The following LAT variants were observed in gnomAD, a reference collection of about 807,000 sequenced individuals.
The protein encoded by LAT is linker for activation of T-cells family member 1.
A neutral mutation model predicts 39.1 loss-of-function variants in LAT; 12 were observed. That is an observed-to-expected ratio of 0.31 (90% CI 0.20 to 0.50). The LOEUF is 0.50. LAT is among the 20% of genes least tolerant of loss of function. LAT has a pLI of 0.98. For missense variants in LAT, 253 were observed against 308.0 expected (o/e 0.82, Z 1.34); for synonymous variants, 117 against 123.8 (o/e 0.95, Z 0.36).
In LAT at chr16:28,985,234, A is replaced by C; in HGVS notation, c.-184A>C. ...GGACGCACACTCAGCCCAGTAAAAG[A>C]GGGGACCCATCCCGGGAGCCCCGGG... is the stretch of plus-strand genomic sequence containing the variant. On this transcript the variant is annotated 5_prime_UTR_variant, in exon 1 of 12. Transcript: ENST00000395456. This position sits in a 1 kb window ranked among gnomAD's most constrained non-coding sequence, Gnocchi z 4.6. 1 of 1,436,714 alleles carries C rather than the reference A, an allele frequency of 7.0e-7. No individual in the cohort carries two copies. The highest frequency in any genetic ancestry group is 2.6e-4 in the Middle Eastern group (1 of 3,882). The allele number at this position is 1,436,714 out of a possible 1,614,324, so 89.0% of individuals were successfully genotyped here. A position where few individuals can be genotyped will look rare whatever the true frequency, so the allele number is the denominator to read the frequency against.
At chr16:28,984,975 TGGCGGGTGGGGTGGGAAGGG>T, upstream of LAT, 1 of 1,450,348 alleles carries the variant, frequency 6.9e-7, no homozygotes, top group Non-Finnish European at 9.1e-7. Context: ...CCCTCCCCAC[TGGCGGGTGGGGTGGGAAGGG>T]GGCGGGTGCA....
chr16:28,985,702 C>G lies in LAT; in HGVS notation c.101-11C>G, dbSNP rs763846844. 11 of 1,613,732 alleles carry G rather than the reference C, an allele frequency of 6.8e-6. No individual in the cohort carries two copies. In the Admixed American group the frequency reaches 1.7e-4, roughly 24 times the overall value. On this transcript the variant is annotated splice_polypyrimidine_tract_variant and intron_variant, in intron 1 of 11. Transcript: ENST00000395456. This position sits in a 1 kb window ranked among gnomAD's most constrained non-coding sequence, Gnocchi z 4.6. ...CCCCTGTTCCTGCCTCACCAGCCCT[C>G]TCTTTCCCAGGCTCCTACGACAGCA...
upstream of LAT, chr16:28,984,944 G>A: frequency 3.9e-6 from 6 of 1,524,500 alleles, no homozygotes; most frequent in Non-Finnish European, 5.3e-6. Context: ...GCCTGGGGTG[G>A]CTCCCGGGCC....
Position 28,985,085 on chromosome 16 carries a change from G to A in LAT, c.-333G>A. The A allele has an allele frequency of 7.0e-7, 1 of 1,427,526 alleles. No individual in the cohort carries two copies. The highest frequency in any genetic ancestry group is 2.6e-5 in the East Asian group (1 of 38,976). 88.4% of individuals were successfully genotyped at this position (1,427,526 alleles called of 1,614,324 possible). On this transcript the variant is annotated 5_prime_UTR_variant, in exon 1 of 12. Coordinates refer to ENST00000395456, the MANE Select transcript of LAT (RefSeq NM_001014987.2). This position sits in a 1 kb window ranked among gnomAD's most constrained non-coding sequence, Gnocchi z 4.6. ...CTGCCGCAGGCGGGCGGGAGGGCGGGCACGGAGAGGCGGGCGCCGAGGAGG... is the reference window on the plus strand; with the variant it reads ...CTGCCGCAGGCGGGCGGGAGGGCGGACACGGAGAGGCGGGCGCCGAGGAGG...
rs1367196013 is a variant in LAT, at chr16:28,985,907, C to T, written c.163+19C>T. The T allele has an allele frequency of 1.9e-6, 3 of 1,613,408 alleles. No individual in the cohort carries two copies. The highest frequency in any genetic ancestry group is 1.1e-5 in the South Asian group (1 of 91,074). On this transcript the variant is annotated intron_variant, in intron 3 of 11. Transcript: ENST00000395456. This position sits in a 1 kb window ranked among gnomAD's most constrained non-coding sequence, Gnocchi z 4.6. Reference sequence around the variant, plus strand: ...CGGCCTCGTGAGTACAAGGAGGGTCCCCTACCTTGGGTGCCAGGGAGAGGG... The same window carrying T: ...CGGCCTCGTGAGTACAAGGAGGGTCTCCTACCTTGGGTGCCAGGGAGAGGG...
In LAT at chr16:28,985,053, C is replaced by T; in HGVS notation, c.-365C>T. Reference sequence around the variant, plus strand: ...TCCTGCCCTCGCCCGGCGCTCACCACAGCTTCCTGCCGCAGGCGGGCGGGA... The same window carrying T: ...TCCTGCCCTCGCCCGGCGCTCACCATAGCTTCCTGCCGCAGGCGGGCGGGA... On this transcript the variant is annotated 5_prime_UTR_variant, in exon 1 of 12. Transcript: ENST00000395456. This position sits in a 1 kb window ranked among gnomAD's most constrained non-coding sequence, Gnocchi z 4.6. The T allele has an allele frequency of 2.1e-6, 3 of 1,427,162 alleles. No individual in the cohort carries two copies. The highest frequency in any genetic ancestry group is 2.7e-6 in the Non-Finnish European group (3 of 1,094,412). The allele number at this position is 1,427,162 out of a possible 1,614,324, so 88.4% of individuals were successfully genotyped here. A position where few individuals can be genotyped will look rare whatever the true frequency, so the allele number is the denominator to read the frequency against.
In LAT at chr16:28,986,690, A is replaced by T; in HGVS notation, c.374A>T (p.Asp125Val). Residue 125 changes from aspartate (D) to valine (V), a missense_variant, in exon 7 of 12, where the codon GAC becomes GTC. Coordinates refer to ENST00000395456, the MANE Select transcript of LAT (RefSeq NM_001014987.2). The surrounding 1 kb of genome is among the most constrained non-coding windows in gnomAD (Gnocchi z 5.7). ...TGTGAGGATGCGGATGAGGATGAGG[A>T]CGACTATCACAACCCAGGCTACCTG... ...PACEDADEDE[D>V]DYHNPGYLVV... 1.2e-6 allele frequency: 2 copies of T among 1,613,534 alleles called. No individual in the cohort carries two copies. The highest frequency in any genetic ancestry group is 1.7e-6 in the Non-Finnish European group (2 of 1,179,768).
At position 28,986,334 on chromosome 16, in the gene LAT, G is replaced by GCC. The variant is rs755150157; in HGVS notation, c.246-44_246-43dup. The GCC allele has an allele frequency of 6.2e-7, 1 of 1,601,408 alleles. No individual in the cohort carries two copies. The highest frequency in any genetic ancestry group is 8.5e-7 in the Non-Finnish European group (1 of 1,170,548). ...CCCTTTCCCTTTTGCAACTGCTGTT[G>GCC]CCCCCTGAGCCCCACCTCAGGCATG... On this transcript the variant is annotated intron_variant, in intron 4 of 11. Transcript: ENST00000395456. This position sits in a 1 kb window ranked among gnomAD's most constrained non-coding sequence, Gnocchi z 5.7.
intron 8 of LAT, chr16:28,988,558 A>T (rs1418854610): frequency 1.3e-5 from 2 of 152,178 alleles, no homozygotes; most frequent in African/African-American, 4.8e-5. Flanking sequence ...TAAAAATACC[A>T]AAATTAGCAG....
In LAT at chr16:28,986,753, G is replaced by A; in HGVS notation, c.398+39G>A. The A allele has an allele frequency of 6.2e-7, 1 of 1,610,024 alleles. No individual in the cohort carries two copies. Among genetic ancestry groups the A allele is most frequent in the Non-Finnish European group, 8.5e-7 (1 of 1,177,408 alleles). On this transcript the variant is annotated intron_variant, in intron 7 of 11. Transcript: ENST00000395456. The surrounding 1 kb of genome is among the most constrained non-coding windows in gnomAD (Gnocchi z 5.7). ...TGGGAGGTGGGAGGTGAGGGCTGAG[G>A]CTGTGCGTCCCCCCTTGCTCACCGG... is the stretch of plus-strand genomic sequence containing the variant.
At position 28,989,822 on chromosome 16, in the gene LAT, C is replaced by A. The variant is rs149558811; in HGVS notation, c.605C>A (p.Ala202Glu). ...VNVSQELHPGAAKTEPAALSS... is the reference protein window; with the variant it reads ...VNVSQELHPGEAKTEPAALSS... ...GTGTCCCAGGAACTGCATCCTGGAG[C>A]GGCTAAGACTGAGCCTGGTGTGTTC... Residue 202 changes from alanine to glutamate, a missense_variant, in exon 10 of 12, where the codon GCG becomes GAG. Ala to Glu is a moderately radical substitution (Grantham distance 107). Transcript: ENST00000395456. 2 of 1,614,012 alleles carry A rather than the reference C, an allele frequency of 1.2e-6. No homozygotes were observed. Among genetic ancestry groups the A allele is most frequent in the East Asian group, 2.2e-5 (1 of 44,876 alleles).
Position 28,985,139 on chromosome 16 carries a change from C to T in LAT, c.-279C>T. The T allele has an allele frequency of 7.0e-7, 1 of 1,427,238 alleles. No individual in the cohort carries two copies. The highest frequency in any genetic ancestry group is 9.1e-7 in the Non-Finnish European group (1 of 1,095,620). 88.4% of individuals were successfully genotyped at this position (1,427,238 alleles called of 1,614,324 possible). ...AGGTAGGGCTGGGACGCAGGGGTAA[C>T]TGGATCCCCCGACTTCAGCCCAGGC... On this transcript the variant is annotated 5_prime_UTR_variant, in exon 1 of 12. Coordinates refer to ENST00000395456, the MANE Select transcript of LAT (RefSeq NM_001014987.2). The surrounding 1 kb of genome is among the most constrained non-coding windows in gnomAD (Gnocchi z 4.6).
At position 28,989,486 on chromosome 16, in the gene LAT, T is replaced by TACCA. The variant is rs775332145; in HGVS notation, c.494-41_494-40insACCA. 1,149 of 1,524,512 alleles carry TACCA rather than the reference T, an allele frequency of 7.5e-4. 6 individuals are homozygous for TACCA. Among genetic ancestry groups the TACCA allele is most frequent in the African/African-American group, 1.2e-3 (90 of 73,570 alleles). 94.4% of individuals were successfully genotyped at this position (1,524,512 alleles called of 1,614,324 possible). ...TTCTCTGGGAACCTGTGGCCAAGGG[T>TACCA]CTCTGGTCACAGTGCCGAGGTGGGC... On this transcript the variant is annotated intron_variant, in intron 8 of 11. Coordinates refer to ENST00000395456, the MANE Select transcript of LAT (RefSeq NM_001014987.2).
In LAT at chr16:28,985,908, C is replaced by T; in HGVS notation, c.163+20C>T. 6.2e-7 allele frequency: 1 copy of T among 1,613,698 alleles called. No homozygotes were observed. The highest frequency in any genetic ancestry group is 8.5e-7 in the Non-Finnish European group (1 of 1,179,634). ...GGCCTCGTGAGTACAAGGAGGGTCC[C>T]CTACCTTGGGTGCCAGGGAGAGGGT... On this transcript the variant is annotated intron_variant, in intron 3 of 11. Coordinates refer to ENST00000395456, the MANE Select transcript of LAT (RefSeq NM_001014987.2). This position sits in a 1 kb window ranked among gnomAD's most constrained non-coding sequence, Gnocchi z 4.6.
In LAT at chr16:28,989,782, C is replaced by T. The variant is rs760777156; in HGVS notation, c.565C>T (p.Arg189Trp). The T allele has an allele frequency of 1.1e-5, 18 of 1,613,952 alleles. No individual in the cohort carries two copies. The highest frequency in any genetic ancestry group is 9.3e-6 in the Non-Finnish European group (11 of 1,180,024). Residue 189 changes from arginine (R) to tryptophan (W), a missense_variant, in exon 10 of 12, where the codon CGG becomes TGG. Physicochemically the swap from Arg to Trp is moderately radical, Grantham distance 101. Transcript: ENST00000395456. The stretch of plus-strand genomic sequence containing the variant: ...CTGATCTGTCCCCACAGATGGCAGC[C>T]GGGAGTATGTGAATGTGTCCCAGGA... ...ESAEASLDGS[R>W]EYVNVSQELH...
intron 8 of LAT, among the ~76,000 whole-genome samples, chr16:28,987,261 C>T (rs1965781417): frequency 6.6e-6 from 1 of 152,140 alleles, no homozygotes; most frequent in African/African-American, 2.4e-5. Context: ...ATCTCTGTGT[C>T]CTTTCCTTTA....
In LAT at chr16:28,986,073, C is replaced by T. The variant is rs1455245714; in HGVS notation, c.164-62C>T. 3.5e-6 allele frequency: 5 copies of T among 1,448,302 alleles called. No homozygotes were observed. In the South Asian group the frequency reaches 3.6e-5, roughly 10 times the overall value. 89.7% of individuals were successfully genotyped at this position (1,448,302 alleles called of 1,614,324 possible). A position where few individuals can be genotyped will look rare whatever the true frequency, so the allele number is the denominator to read the frequency against. On this transcript the variant is annotated intron_variant, in intron 3 of 11. Coordinates refer to ENST00000395456, the MANE Select transcript of LAT (RefSeq NM_001014987.2). The surrounding 1 kb of genome is among the most constrained non-coding windows in gnomAD (Gnocchi z 5.7). ...GGTGTGGGGCTTTCAGGGGCTTAGT[C>T]TGTTCTTTGAGGCCTTGACGATGTC...
chr16:28,986,632 C>CTGACCCCTGTGTCG lies in LAT; in HGVS notation c.341-23_341-10dup. 1 of 1,614,012 alleles carries CTGACCCCTGTGTCG rather than the reference C, an allele frequency of 6.2e-7. No homozygotes were observed. The highest frequency in any genetic ancestry group is 1.3e-5 in the African/African-American group (1 of 74,998). On this transcript the variant is annotated intron_variant, in intron 6 of 11. Transcript: ENST00000395456. The surrounding 1 kb of genome is among the most constrained non-coding windows in gnomAD (Gnocchi z 5.7). The stretch of plus-strand genomic sequence containing the variant: ...AGTCTGGGGTCCGTCCTGGACTAGG[C>CTGACCCCTGTGTCG]TGACCCCTGTGTCGTTACCCCCAGA...
Position 28,990,257 on chromosome 16 carries a change from T to G in LAT, c.*76T>G. 1 of 685,628 alleles carries G rather than the reference T, an allele frequency of 1.5e-6. No individual in the cohort carries two copies. The highest frequency in any genetic ancestry group is 1.5e-5 in the South Asian group (1 of 66,604). 42.5% of individuals were successfully genotyped at this position (685,628 alleles called of 1,614,324 possible). On this transcript the variant is annotated 3_prime_UTR_variant, in exon 12 of 12. Coordinates refer to ENST00000395456, the MANE Select transcript of LAT (RefSeq NM_001014987.2). ...TGAGCTGGGCAGCTGGAAGTGGCTC[T>G]GGGGTCCTCACATGGCGTCCTGCCC...
Sources: allele counts gnomAD v4.1 joint callset (sites outside exome capture counted in the v4.1 genomes callset), GRCh38; gene constraint gnomAD v4.1.1; non-coding constraint Gnocchi (gnomAD v3.1); transcripts MANE v1.5; gene names NCBI Gene and HGNC (gene_info 2026-07-23, HGNC 2026-07-21).